The following CDYL variants were observed in gnomAD, a reference collection of about 807,000 sequenced individuals.
CDYL encodes chromodomain Y-like protein.
In CDYL, 8 loss-of-function variants were observed where a neutral mutation model predicts 47.3. That is an observed-to-expected ratio of 0.17 (90% CI 0.10 to 0.31). The LOEUF (loss-of-function observed/expected upper bound fraction) is 0.31, where lower values mean the gene tolerates loss of function less well. CDYL is among the 10% of genes least tolerant of loss of function. The pLI, the probability that CDYL is intolerant of heterozygous loss-of-function variation, is 1.00. For missense variants in CDYL, 471 were observed against 701.4 expected, an observed-to-expected ratio of 0.67 and a Z score of 3.71; for synonymous variants, 266 against 265.0, an observed-to-expected ratio of 1.00 and a Z score of -0.04.
intron 1 of CDYL, among the ~76,000 whole-genome samples, chr6:4,841,053 T>G (rs1406121011): frequency 6.6e-6 from 1 of 152,138 alleles, no homozygotes; most frequent in Non-Finnish European, 1.5e-5. Context: ...GACTTTTTTT[T>G]GTTGGCAACT....
intron 5 of CDYL, among the ~76,000 whole-genome samples, chr6:4,944,269 TGTC>T (rs368950815): frequency 4.1e-4 from 63 of 152,326 alleles, no homozygotes; most frequent in African/African-American, 1.4e-3. Flanking sequence ...CAGGAGGTGG[TGTC>T]ACAGGTCAGG....
chr6:4,831,127 G>A (rs554013932), intron 1 of CDYL, among the ~76,000 whole-genome samples: 3 of 152,162 alleles, frequency 2.0e-5, no homozygotes, highest in Non-Finnish European at 4.4e-5. Context: ...CCAGTAATGG[G>A]ATGGCTGGGT....
chr6:4,773,400 A>G (rs1233022763), upstream of CDYL, among the ~76,000 whole-genome samples: 1 of 152,192 alleles, frequency 6.6e-6, no homozygotes, highest in Non-Finnish European at 1.5e-5. The surrounding 1 kb of genome is among the most constrained non-coding windows in gnomAD (Gnocchi z 4.6). Flanking sequence ...ACACGTGGTC[A>G]TGGAAACTAC....
chr6:4,813,473 A>T (rs1216303259), intron 1 of CDYL, among the ~76,000 whole-genome samples: 1 of 152,068 alleles, frequency 6.6e-6, no homozygotes, highest in Admixed American at 6.5e-5. Flanking sequence ...GTAGTGACAG[A>T]TTTTCTAGGA....
intron 1 of CDYL, among the ~76,000 whole-genome samples, chr6:4,844,910 A>G (rs1201471879): frequency 6.6e-6 from 1 of 152,202 alleles, no homozygotes; most frequent in Non-Finnish European, 1.5e-5. Flanking sequence ...ATTTTGCAAG[A>G]CAAAAAAGTT....
chr6:4,833,856 T>C (rs1760217196), intron 1 of CDYL, among the ~76,000 whole-genome samples: 1 of 152,106 alleles, frequency 6.6e-6, no homozygotes, highest in Non-Finnish European at 1.5e-5. Flanking sequence ...TTGATCTTTG[T>C]TGGTTTAAAG....
intron 2 of CDYL, among the ~76,000 whole-genome samples, chr6:4,732,250 G>A (rs1030706359): frequency 6.6e-6 from 1 of 152,100 alleles, no homozygotes; most frequent in African/African-American, 2.4e-5. Context: ...CGGGAGGATT[G>A]CTTGAGCCCC....
At chr6:4,842,696 G>C (rs73364563) in intron 1 of CDYL, among the ~76,000 whole-genome samples, 25 of 152,220 alleles carry the variant, frequency 1.6e-4, no homozygotes, top group South Asian at 6.2e-4. Context: ...CAGATACTAG[G>C]TGAATTCTTA....
At chr6:4,766,876 C>T (rs186802011) in intron 3 of CDYL, among the ~76,000 whole-genome samples, 7 of 151,996 alleles carry the variant, frequency 4.6e-5, no homozygotes, top group South Asian at 2.1e-4. Context: ...TGGCGTTCAC[C>T]GGTAGTCTCA....
chr6:4,817,875 A>T (rs539103678), intron 1 of CDYL, among the ~76,000 whole-genome samples: 1 of 152,318 alleles, frequency 6.6e-6, no homozygotes, highest in Admixed American at 6.5e-5. Flanking sequence ...ACGTTTAGGC[A>T]TTGGCACTTC....
At chr6:4,706,913 C>T (rs539977718) in intron 1 of CDYL, among the ~76,000 whole-genome samples, 1 of 152,282 alleles carries the variant, frequency 6.6e-6, no homozygotes, top group South Asian at 2.1e-4. Flanking sequence ...CCAGTGGGGA[C>T]TCGCCAAAAG....
intron 1 of CDYL, among the ~76,000 whole-genome samples, chr6:4,885,319 G>A (rs561398095): frequency 5.9e-5 from 9 of 152,294 alleles, no homozygotes; most frequent in Admixed American, 6.5e-5. Context: ...CTTGTGTACC[G>A]TTCTGAGCAG....
chr6:4,761,826 A>G (rs1758179542), intron 3 of CDYL, among the ~76,000 whole-genome samples: 1 of 152,248 alleles, frequency 6.6e-6, no homozygotes, highest in African/African-American at 2.4e-5. Flanking sequence ...ATAAAGGTTA[A>G]ATCAGATTTC....
rs141122629 is a variant in CDYL, at chr6:4,792,664, A to G, written c.24+15857A>G. Among the ~76,000 whole-genome samples the G allele has an allele frequency of 2.1e-3, 318 of 151,960 alleles. 3 individuals are homozygous for G. In the South Asian group the frequency reaches 0.025, roughly 12 times the overall value. ...TTGGCCAGGCTGGTCTGGAATTCCT[A>G]TCCTCAAGTGATCTGCCCACCTTGG... On this transcript the variant is annotated intron_variant, in intron 1 of 6. Coordinates refer to ENST00000397588, the MANE Select transcript of CDYL (RefSeq NM_004824.4).
At chr6:4,830,098 G>GCC (rs1561658138) in intron 1 of CDYL, among the ~76,000 whole-genome samples, 1 of 152,180 alleles carries the variant, frequency 6.6e-6, no homozygotes, top group East Asian at 1.9e-4. Flanking sequence ...GCCCCTGTCT[G>GCC]TACATCTGAA....
At chr6:4,721,821 T>C (rs1757375625) in intron 2 of CDYL, among the ~76,000 whole-genome samples, 1 of 152,096 alleles carries the variant, frequency 6.6e-6, no homozygotes, top group African/African-American at 2.4e-5. Flanking sequence ...TTTACCTGAA[T>C]AGTTTCAGAC....
intron 3 of CDYL, among the ~76,000 whole-genome samples, chr6:4,763,555 A>G (rs933322167): frequency 1.3e-5 from 2 of 152,246 alleles, no homozygotes; most frequent in African/African-American, 4.8e-5. Flanking sequence ...CATTTAGTTA[A>G]GAAAAAGACA....
intron 1 of CDYL, among the ~76,000 whole-genome samples, chr6:4,883,485 G>C (rs187459431): frequency 6.6e-6 from 1 of 152,324 alleles, no homozygotes; most frequent in Non-Finnish European, 1.5e-5. Flanking sequence ...CTGCCACACA[G>C]AACACCTGCT....
At chr6:4,745,782 C>T (rs533921476) in intron 3 of CDYL, among the ~76,000 whole-genome samples, 2 of 152,194 alleles carry the variant, frequency 1.3e-5, no homozygotes, top group South Asian at 4.1e-4. Flanking sequence ...GGGTAGAAAT[C>T]CTTTTGATGA....
Sources: gnomAD v4.1 joint callset for allele counts (sites outside exome capture counted in the v4.1 genomes callset) on GRCh38, gnomAD v4.1.1 for gene constraint, Gnocchi (gnomAD v3.1) non-coding constraint, MANE v1.5 for transcripts, NCBI Gene and HGNC (gene_info 2026-07-23, HGNC 2026-07-21) for gene names.